Variants in ANKRD45 observed in about 807,000 individuals in gnomAD.
ANKRD45 encodes ankyrin repeat domain-containing protein 45.
Under a neutral mutation model 28.1 loss-of-function variants are expected in ANKRD45, and 21 were observed. The ratio of observed to expected loss-of-function variants is 0.75; its 90% CI spans 0.53 to 1.08. The LOEUF is 1.08. ANKRD45 is among the 50% of genes least tolerant of loss of function. The probability of loss-of-function intolerance (pLI) is 0.00; values close to 1 mark genes in which losing one functional copy is unlikely to be tolerated. For missense variants in ANKRD45, 261 were observed against 308.7 expected (o/e 0.85, Z 1.16); for synonymous variants, 86 against 103.9 (o/e 0.83, Z 1.05).
the ANKRD45 span, among the ~76,000 whole-genome samples, chr1:173,692,194 T>C: frequency 6.6e-6 from 1 of 152,216 alleles, no homozygotes; most frequent in Non-Finnish European, 1.5e-5. Flanking sequence ...AGGCAAAGAA[T>C]TGAACATACT....
the ANKRD45 span, among the ~76,000 whole-genome samples, chr1:173,690,077 G>A: frequency 3.7e-4 from 9 of 24,644 alleles, no homozygotes; most frequent in South Asian, 4.2e-3. Context: ...CCCCCCCCCC[G>A]ACCTCCCTTG....
chr1:173,652,019 T>C (rs906263902), intron 2 of ANKRD45, among the ~76,000 whole-genome samples: 13 of 152,218 alleles, frequency 8.5e-5, no homozygotes, highest in African/African-American at 2.9e-4. Flanking sequence ...GTTTTCTAAA[T>C]ACACAATCAT....
At chr1:173,696,191 C>G in the ANKRD45 span, among the ~76,000 whole-genome samples, 1 of 152,240 alleles carries the variant, frequency 6.6e-6, no homozygotes, top group East Asian at 1.9e-4. Context: ...AAATTTCTCT[C>G]TTTTGTACTC....
the ANKRD45 span, among the ~76,000 whole-genome samples, chr1:173,705,403 C>T: frequency 2.0e-5 from 3 of 151,322 alleles, no homozygotes; most frequent in African/African-American, 4.8e-5. Flanking sequence ...GTGGCTCATA[C>T]CTGCAATCCC....
intron 1 of ANKRD45, chr1:173,669,546 T>G (rs1174076042): frequency 4.4e-6 from 2 of 453,528 alleles, no homozygotes; most frequent in African/African-American, 4.0e-5. Context: ...ATCCAGGAGG[T>G]CCCGCGAGGG....
At chr1:173,663,581 A>G (rs1669880745) in intron 1 of ANKRD45, among the ~76,000 whole-genome samples, 1 of 152,176 alleles carries the variant, frequency 6.6e-6, no homozygotes, top group South Asian at 2.1e-4. Context: ...CTATTTTCCA[A>G]TCTCTCTTGT....
At chr1:173,611,433 T>C (rs954391537) in intron 5 of ANKRD45, among the ~76,000 whole-genome samples, 8 of 152,206 alleles carry the variant, frequency 5.3e-5, no homozygotes, top group African/African-American at 1.9e-4. Context: ...AGAAACATTA[T>C]GTCATACTGT....
chr1:173,627,742 G>A (rs1667999148), intron 3 of ANKRD45, among the ~76,000 whole-genome samples: 1 of 151,992 alleles, frequency 6.6e-6, no homozygotes, highest in Non-Finnish European at 1.5e-5. Context: ...GCTGTGCAGG[G>A]ATCAGAGCCA....
chr1:173,635,745 G>T, intron 3 of ANKRD45: 1 of 1,535,122 alleles, frequency 6.5e-7, no homozygotes, highest in Non-Finnish European at 8.7e-7. Flanking sequence ...TTTCAGGGTT[G>T]TTTATATCTC....
intron 1 of ANKRD45, among the ~76,000 whole-genome samples, chr1:173,667,528 C>T (rs1670075340): frequency 6.6e-6 from 1 of 151,890 alleles, no homozygotes; most frequent in Non-Finnish European, 1.5e-5. Context: ...ATGGTGAAAC[C>T]CCGTCTCTAC....
the ANKRD45 span, among the ~76,000 whole-genome samples, chr1:173,682,684 T>TACACACACACACACACACAC: frequency 4.3e-3 from 620 of 143,990 alleles, 7 homozygotes; most frequent in African/African-American, 0.015. Flanking sequence ...GCCTTTTAAA[T>TACACACACACACACACACAC]ACACACACAC....
At chr1:173,700,282 A>T in the ANKRD45 span, among the ~76,000 whole-genome samples, 1 of 152,240 alleles carries the variant, frequency 6.6e-6, no homozygotes, top group Non-Finnish European at 1.5e-5. Context: ...ATCCCCATCA[A>T]GTTACCAATG....
At chr1:173,679,493 T>C in the ANKRD45 span, among the ~76,000 whole-genome samples, 1 of 152,166 alleles carries the variant, frequency 6.6e-6, no homozygotes, top group Non-Finnish European at 1.5e-5. Flanking sequence ...TGGCTAGCCA[T>C]ATGCAGAAAG....
chr1:173,636,660 C>G (rs1668458295), intron 3 of ANKRD45, among the ~76,000 whole-genome samples: 1 of 152,106 alleles, frequency 6.6e-6, no homozygotes, highest in Admixed American at 6.5e-5. Flanking sequence ...TACCTTACTT[C>G]TATAGTAACC....
intron 3 of ANKRD45, among the ~76,000 whole-genome samples, chr1:173,644,864 A>G (rs1558133770): frequency 6.6e-6 from 1 of 152,044 alleles, no homozygotes; most frequent in Non-Finnish European, 1.5e-5. Context: ...ATAGTGGCAC[A>G]TGCCTGTAAT....
rs1165037704 is a variant in ANKRD45 at position 173,608,376 on chromosome 1, G to A, written c.*1769C>T. 6.6e-6 allele frequency among the ~76,000 whole-genome samples: 1 copy of A among 152,090 alleles called. No homozygotes were observed. Among genetic ancestry groups the A allele is most frequent in the Non-Finnish European group, 1.5e-5 (1 of 68,010 alleles). Reference sequence around the variant, plus strand: ...TCTGTCACCCAGGCTGGAATGCAGTGGTGCGATCTCGGCTCACTGCAACCT... The same window carrying A: ...TCTGTCACCCAGGCTGGAATGCAGTAGTGCGATCTCGGCTCACTGCAACCT... On this transcript the variant is annotated 3_prime_UTR_variant, in exon 6 of 6. Coordinates refer to ENST00000333279, the MANE Select transcript of ANKRD45 (RefSeq NM_198493.3).
At chr1:173,619,521 C>G (rs1474939147) in intron 5 of ANKRD45, among the ~76,000 whole-genome samples, 1 of 152,062 alleles carries the variant, frequency 6.6e-6, no homozygotes, top group Non-Finnish European at 1.5e-5. Context: ...TTTAAACCAA[C>G]AAAGGTCAAA....
chr1:173,647,666 T>A (rs1206238041), intron 2 of ANKRD45, among the ~76,000 whole-genome samples: 3 of 152,194 alleles, frequency 2.0e-5, no homozygotes, highest in Non-Finnish European at 2.9e-5. Context: ...AGGATATACA[T>A]ACTTCTTTTT....
At position 173,613,562 on chromosome 1, in the gene ANKRD45, G is replaced by GCTCCC. The variant is rs1411989020; in HGVS notation, c.731-3348_731-3347insGGGAG. 9.3e-4 allele frequency among the ~76,000 whole-genome samples: 98 copies of GCTCCC among 105,768 alleles called. 7 individuals carry two copies. The highest frequency in any genetic ancestry group is 7.4e-3 in the African/African-American group (88 of 11,842). 69.4% of individuals were successfully genotyped at this position (105,768 alleles called of 152,430 possible). A position where few individuals can be genotyped will look rare whatever the true frequency, so the allele number is the denominator to read the frequency against. On this transcript the variant is annotated intron_variant, in intron 5 of 5. Transcript: ENST00000333279. ...CGTCCGGGAGGGAGGTGGGGGGTCA[G>GCTCCC]CCCCCCCCCCGGCCAGCCGCCCCGT...
Sources: gnomAD v4.1 joint callset for allele counts (sites outside exome capture counted in the v4.1 genomes callset) on GRCh38, gnomAD v4.1.1 for gene constraint, MANE v1.5 for transcripts, NCBI Gene and HGNC (gene_info 2026-07-23, HGNC 2026-07-21) for gene names.